PIBF1: variants seen among roughly 807,000 people sequenced by gnomAD.
The protein encoded by PIBF1 is progesterone immunomodulatory binding factor 1, also known as progesterone-induced-blocking factor 1.
In PIBF1, 90 loss-of-function variants were observed where a neutral mutation model predicts 112.5. The ratio of observed to expected loss-of-function variants is 0.80; its 90% CI spans 0.67 to 0.95. The LOEUF is 0.95. PIBF1 is among the 40% of genes least tolerant of loss of function. The pLI is 0.00. For missense variants in PIBF1, 915 were observed against 852.3 expected (o/e 1.07, Z -0.92); for synonymous variants, 301 against 288.6 (o/e 1.04, Z -0.44).
chr13:72,844,252 A>T (rs527565570), intron 9 of PIBF1, among the ~76,000 whole-genome samples: 1 of 152,326 alleles, frequency 6.6e-6, no homozygotes, highest in East Asian at 1.9e-4. Flanking sequence ...GCACACTCCC[A>T]TTTAACTGGT....
At position 72,922,882 on chromosome 13, in the gene PIBF1, G is replaced by A. The variant is rs532187809; in HGVS notation, c.1730+5716G>A. 2.5e-3 allele frequency among the ~76,000 whole-genome samples: 375 copies of A among 152,242 alleles called. 1 individual carries two copies. Among genetic ancestry groups the A allele is most frequent in the Non-Finnish European group, 4.5e-3 (303 of 68,024 alleles). On this transcript the variant is annotated intron_variant, in intron 13 of 17. Transcript: ENST00000326291. ...GTGTAAGCCTATAGAAGAAACTAGC[G>A]ACAGTCTCATGTAACTACAGATAAT...
intron 5 of PIBF1, among the ~76,000 whole-genome samples, chr13:72,811,555 C>T (rs1236740387): frequency 1.4e-5 from 2 of 147,988 alleles, no homozygotes; most frequent in South Asian, 2.1e-4. Flanking sequence ...GAGATCGCGC[C>T]GTTGCTCTCT....
chr13:72,868,204 G>A (rs34130554), intron 10 of PIBF1, among the ~76,000 whole-genome samples: 1 of 152,062 alleles, frequency 6.6e-6, no homozygotes, highest in Non-Finnish European at 1.5e-5. Flanking sequence ...AGGAGGCTGA[G>A]GTTGAAGGAT....
intron 16 of PIBF1, among the ~76,000 whole-genome samples, chr13:72,998,312 CA>C (rs1056657162): frequency 6.6e-6 from 1 of 151,892 alleles, no homozygotes. Context: ...TCAAAAATTC[CA>C]AAATACAAAA....
chr13:72,985,202 A>G (rs1192522872), intron 16 of PIBF1, among the ~76,000 whole-genome samples: 1 of 152,158 alleles, frequency 6.6e-6, no homozygotes, highest in Non-Finnish European at 1.5e-5. Context: ...ACAAAACTGT[A>G]AAATCTCTGA....
chr13:72,883,179 T>G (rs1239673517), intron 10 of PIBF1, among the ~76,000 whole-genome samples: 1 of 152,180 alleles, frequency 6.6e-6, no homozygotes, highest in East Asian at 1.9e-4. Flanking sequence ...TTCTGTCATT[T>G]GCAACAACAT....
chr13:72,825,249 A>G (rs1478369420), intron 6 of PIBF1, among the ~76,000 whole-genome samples: 2 of 152,308 alleles, frequency 1.3e-5, no homozygotes, highest in East Asian at 1.9e-4. Flanking sequence ...TGTATGTTAG[A>G]TAATATTATA....
chr13:72,813,992 C>T (rs2036144945), intron 5 of PIBF1, among the ~76,000 whole-genome samples: 1 of 152,144 alleles, frequency 6.6e-6, no homozygotes, highest in Admixed American at 6.5e-5. Context: ...TCACTCCTCA[C>T]CCCAAATAAG....
intron 14 of PIBF1, among the ~76,000 whole-genome samples, chr13:72,934,759 G>A (rs574260876): frequency 2.0e-5 from 3 of 152,156 alleles, no homozygotes; most frequent in African/African-American, 7.2e-5. Flanking sequence ...ACAGTAAATT[G>A]CACATATTTA....
chr13:72,930,665 A>G (rs931583160), intron 13 of PIBF1, among the ~76,000 whole-genome samples: 3 of 152,164 alleles, frequency 2.0e-5, no homozygotes, highest in Non-Finnish European at 4.4e-5. Context: ...AGTTTTATAT[A>G]TCTTTTTCAT....
At chr13:72,946,731 A>G (rs2042157393) in intron 14 of PIBF1, among the ~76,000 whole-genome samples, 1 of 152,272 alleles carries the variant, frequency 6.6e-6, no homozygotes, top group Non-Finnish European at 1.5e-5. Flanking sequence ...AAAATCCAAC[A>G]GGACAGTCAA....
Position 72,904,433 on chromosome 13 carries a change from C to CTTTTTTTTTTTTTTTTTTTTTTTTTT in PIBF1, c.1489-4073_1489-4072insTTTTTTTTTTTTTTTTTTTTTTTTTT, listed in dbSNP as rs71099767. Among the ~76,000 whole-genome samples, 53 of 36,554 alleles carry CTTTTTTTTTTTTTTTTTTTTTTTTTT rather than the reference C, an allele frequency of 1.4e-3. 12 individuals carry two copies. Among genetic ancestry groups the CTTTTTTTTTTTTTTTTTTTTTTTTTT allele is most frequent in the Middle Eastern group, 0.026 (1 of 38 alleles). The allele number at this position is 36,554 out of a possible 152,430, so 24.0% of individuals were successfully genotyped here. A position where few individuals can be genotyped will look rare whatever the true frequency, so the allele number is the denominator to read the frequency against. ...ATTTATCCAAAATATCAAAATATTT[C>CTTTTTTTTTTTTTTTTTTTTTTTTTT]TTTTTTTTTTTTTTTTTTTTTTTTT... On this transcript the variant is annotated intron_variant, in intron 11 of 17. Transcript: ENST00000326291.
intron 3 of PIBF1, among the ~76,000 whole-genome samples, chr13:72,794,942 T>C (rs975608678): frequency 1.3e-5 from 2 of 152,114 alleles, no homozygotes; most frequent in African/African-American, 2.4e-5. Flanking sequence ...CATTACCTCA[T>C]TGGTTGAGTG....
chr13:72,859,350 A>G (rs1025618610), intron 10 of PIBF1, among the ~76,000 whole-genome samples: 2 of 152,168 alleles, frequency 1.3e-5, no homozygotes, highest in African/African-American at 4.8e-5. Flanking sequence ...TTTAAACAAT[A>G]TGGGGAAAAT....
At chr13:72,875,957 TC>T (rs1594103672) in intron 10 of PIBF1, among the ~76,000 whole-genome samples, 3 of 152,236 alleles carry the variant, frequency 2.0e-5, no homozygotes, top group Admixed American at 2.0e-4. Context: ...TCCAGTTTAT[TC>T]TTTTTTTCAT....
At chr13:72,816,233 A>C (rs1388312593) in intron 5 of PIBF1, among the ~76,000 whole-genome samples, 10 of 152,236 alleles carry the variant, frequency 6.6e-5, no homozygotes, top group Non-Finnish European at 1.5e-4. Flanking sequence ...CAGAAGCATC[A>C]GGTAAGTCCA....
intron 14 of PIBF1, among the ~76,000 whole-genome samples, chr13:72,945,676 CAAATT>C (rs1274602327): frequency 6.6e-6 from 1 of 151,938 alleles, no homozygotes; most frequent in Non-Finnish European, 1.5e-5. Context: ...AGAAAAGCTT[CAAATT>C]AACCAGAATT....
intron 5 of PIBF1, among the ~76,000 whole-genome samples, chr13:72,810,812 C>G (rs886445703): frequency 2.0e-5 from 3 of 151,824 alleles, no homozygotes; most frequent in Admixed American, 6.6e-5. Flanking sequence ...TTCATAGCCA[C>G]CTGCATGGGT....
At chr13:72,954,800 T>G (rs1004504861) in intron 14 of PIBF1, among the ~76,000 whole-genome samples, 1 of 152,232 alleles carries the variant, frequency 6.6e-6, no homozygotes, top group African/African-American at 2.4e-5. Context: ...GTTAAATTCT[T>G]GTGTTGCTTC....
Sources: gnomAD v4.1 joint callset for allele counts (sites outside exome capture counted in the v4.1 genomes callset) on GRCh38, gnomAD v4.1.1 for gene constraint, MANE v1.5 for transcripts, NCBI Gene and HGNC (gene_info 2026-07-23, HGNC 2026-07-21) for gene names.